The following DYNLT5 variants were observed in gnomAD, a reference collection of about 807,000 sequenced individuals.
DYNLT5 encodes dynein light chain Tctex-type 5.
Under a neutral mutation model 19.3 loss-of-function variants are expected in DYNLT5, and 25 were observed. That is an observed-to-expected ratio of 1.30 (90% CI 0.95 to 1.81). The LOEUF (loss-of-function observed/expected upper bound fraction) is 1.81. DYNLT5 is among the 40% of genes most tolerant of loss of function. DYNLT5 has a pLI of 0.00. For synonymous variants in DYNLT5, 82 were observed against 68.9 expected (o/e 1.19, Z -0.94); for missense variants, 232 against 217.9 (o/e 1.06, Z -0.41).
At chr1:66,777,047 TG>T (rs1645240355) in intron 4 of DYNLT5, among the ~76,000 whole-genome samples, 1 of 152,204 alleles carries the variant, frequency 6.6e-6, no homozygotes, top group African/African-American at 2.4e-5. Flanking sequence ...GATTTATTGC[TG>T]GTGTTAAAAT....
intron 1 of DYNLT5, 141 bp from the exon 2 acceptor site, chr1:66,754,515 T>C (rs1020292960): frequency 2.4e-5 from 17 of 720,116 alleles, no homozygotes; most frequent in Non-Finnish European, 3.2e-5. Flanking sequence ...AAATTCTATA[T>C]ATTGCTCTTG....
chr1:66,755,718 C>T (rs1474736540), intron 2 of DYNLT5: 1 of 152,196 alleles, frequency 6.6e-6, no homozygotes, highest in East Asian at 1.9e-4. Flanking sequence ...ATGCCTTTTA[C>T]AGGTGGGAAA....
chr1:66,771,736 C>T (rs1645205362), intron 3 of DYNLT5, among the ~76,000 whole-genome samples: 1 of 152,130 alleles, frequency 6.6e-6, no homozygotes, highest in Non-Finnish European at 1.5e-5. Flanking sequence ...AGTTCTTAGC[C>T]ATGGGGTGTC....
chr1:66,756,773 GCACCATCTTCCC>G (rs2094636712), intron 2 of DYNLT5, among the ~76,000 whole-genome samples: 1 of 152,098 alleles, frequency 6.6e-6, no homozygotes. Context: ...TACTTCCATA[GCACCATCTTCCC>G]CACCATCTTG....
chr1:66,764,250 G>T lies in DYNLT5; in HGVS notation c.120-6137G>T, dbSNP rs182789967. Among the ~76,000 whole-genome samples the T allele has an allele frequency of 5.6e-3, 849 of 152,258 alleles. 5 individuals are homozygous for T. The highest frequency in any genetic ancestry group is 0.024 in the Admixed American group (373 of 15,292). ...AGTTATAGTCACAACTTGACTAATT[G>T]TTGGCCCAAAAGGCCTAGCTTTCAG... On this transcript the variant is annotated intron_variant, in intron 2 of 4. Coordinates refer to ENST00000282670, the MANE Select transcript of DYNLT5 (RefSeq NM_152665.3).
chr1:66,769,775 C>T (rs1037529224), intron 2 of DYNLT5, among the ~76,000 whole-genome samples: 4 of 152,052 alleles, frequency 2.6e-5, no homozygotes, highest in East Asian at 3.9e-4. Context: ...GCCTTGATAA[C>T]GAAACCAAAA....
At chr1:66,770,770 C>A in intron 3 of DYNLT5, 1 of 432,596 alleles carries the variant, frequency 2.3e-6, no homozygotes, top group Non-Finnish European at 4.3e-6. Flanking sequence ...TTTCTGGGTA[C>A]ATAGATATGA....
At chr1:66,764,527 A>T (rs986698518) in intron 2 of DYNLT5, among the ~76,000 whole-genome samples, 6 of 152,242 alleles carry the variant, frequency 3.9e-5, no homozygotes, top group African/African-American at 1.4e-4. Context: ...CAGCTTCTTT[A>T]TATGGATACA....
chr1:66,752,609 C>CCTCT, intron 1 of DYNLT5, 25 bp downstream of exon 1: 1 of 984,334 alleles, frequency 1.0e-6, no homozygotes, highest in Middle Eastern at 5.2e-4. Context: ...CTCTGCAGCG[C>CCTCT]GTCTGGACCC....
chr1:66,765,791 T>C (rs2094653988), intron 2 of DYNLT5, among the ~76,000 whole-genome samples: 1 of 152,098 alleles, frequency 6.6e-6, no homozygotes, highest in Non-Finnish European at 1.5e-5. Flanking sequence ...TCTAACTTCT[T>C]AAATAATTTT....
At chr1:66,762,170 GT>G (rs1248569560) in intron 2 of DYNLT5, among the ~76,000 whole-genome samples, 1 of 152,032 alleles carries the variant, frequency 6.6e-6, no homozygotes, top group Middle Eastern at 3.2e-3. Flanking sequence ...TAAATTTTAT[GT>G]TTTTTATTGA....
intron 2 of DYNLT5, chr1:66,768,763 A>C (rs1208778983): frequency 6.6e-6 from 1 of 152,194 alleles, no homozygotes; most frequent in Non-Finnish European, 1.5e-5. Context: ...TTATGCAAGT[A>C]AGTTTTAATT....
chr1:66,761,565 C>T (rs975916904), intron 2 of DYNLT5, among the ~76,000 whole-genome samples: 48 of 152,110 alleles, frequency 3.2e-4, no homozygotes, highest in East Asian at 1.2e-3. Flanking sequence ...AAGAGGATCA[C>T]GGCAGCCAGG....
At chr1:66,774,716 G>A (rs1247445886) in intron 3 of DYNLT5, among the ~76,000 whole-genome samples, 1 of 143,612 alleles carries the variant, frequency 7.0e-6, no homozygotes, top group African/African-American at 2.5e-5. Context: ...CTCTCCACAT[G>A]ACCCTTCTGG....
intron 2 of DYNLT5, among the ~76,000 whole-genome samples, chr1:66,765,006 G>A (rs1293458593): frequency 2.0e-5 from 3 of 152,098 alleles, no homozygotes; most frequent in Non-Finnish European, 4.4e-5. Flanking sequence ...TCTACATCCT[G>A]TTTTTTGAGC....
chr1:66,776,754 G>A (rs551619222), intron 4 of DYNLT5, among the ~76,000 whole-genome samples: 3 of 152,050 alleles, frequency 2.0e-5, no homozygotes, highest in Non-Finnish European at 4.4e-5. Flanking sequence ...CAGACATTGT[G>A]GTCTTCAAGC....
intron 3 of DYNLT5, chr1:66,775,395 G>C (rs1043243035): frequency 6.6e-6 from 1 of 152,058 alleles, no homozygotes; most frequent in Non-Finnish European, 1.5e-5. Flanking sequence ...TTAATAAAAA[G>C]TATTCATTAT....
chr1:66,772,848 TATAAA>T (rs1170667377), intron 3 of DYNLT5, among the ~76,000 whole-genome samples: 4 of 152,146 alleles, frequency 2.6e-5, no homozygotes, highest in African/African-American at 9.7e-5. Flanking sequence ...CTAAAACAAA[TATAAA>T]AGAAAATGCA....
intron 2 of DYNLT5, among the ~76,000 whole-genome samples, 183 bp downstream of exon 2, chr1:66,754,960 G>C (rs1305780931): frequency 1.3e-5 from 2 of 152,104 alleles, no homozygotes; most frequent in Non-Finnish European, 2.9e-5. Context: ...TAAGTGATAA[G>C]TTAATCCTAG....
Sources: gnomAD v4.1 joint callset for allele counts (sites outside exome capture counted in the v4.1 genomes callset) on GRCh38, gnomAD v4.1.1 for gene constraint, MANE v1.5 for transcripts, NCBI Gene and HGNC (gene_info 2026-07-23, HGNC 2026-07-21) for gene names.